The following MCU variants were observed in gnomAD, a reference collection of about 807,000 sequenced individuals.
The protein encoded by MCU is calcium uniporter protein, mitochondrial.
MCU carries 12 observed loss-of-function variants against 45.2 expected under a neutral mutation model. The observed-to-expected ratio is 0.27, with a 90% CI of 0.17 to 0.43. The LOEUF is 0.43. MCU is among the 20% of genes least tolerant of loss of function. The probability of loss-of-function intolerance (pLI) is 1.00; values close to 1 mark genes in which losing one functional copy is unlikely to be tolerated. For missense variants in MCU, 324 were observed against 436.7 expected, an observed-to-expected ratio of 0.74 and a Z score of 2.30; for synonymous variants, 160 against 165.1, an observed-to-expected ratio of 0.97 and a Z score of 0.24.
intron 1 of MCU, among the ~76,000 whole-genome samples, chr10:72,798,658 C>A (rs1278027003): frequency 1.3e-5 from 2 of 151,476 alleles, no homozygotes; most frequent in South Asian, 2.1e-4. Context: ...TTTTAGAAAT[C>A]TTTTCTTACT....
rs1320407832 is a variant in MCU at position 72,692,248 on chromosome 10, T to C, written c.97T>C (p.Cys33Arg). Residue 33 changes from cysteine to arginine, a missense_variant, in exon 1 of 8, where the codon TGC becomes CGC. By Grantham distance (180) the Cys-to-Arg change is radical (BLOSUM62 -3). Around this residue, in one of 4 missense-constraint regions of MCU, gnomAD observed 111 missense variants for 112.3 expected, o/e 0.99. Coordinates refer to ENST00000373053, the MANE Select transcript of MCU (RefSeq NM_138357.3). ...AGGCGALTAG[C>R]FPGLGVSRHR... ...CGGCTGCGGGGCGCTGACTGCCGGC[T>C]GCTTCCCTGGGCTGGGCGTCAGCCG... 13 of 1,237,956 alleles carry C rather than the reference T, an allele frequency of 1.1e-5. No homozygotes were observed. Among genetic ancestry groups the C allele is most frequent in the Non-Finnish European group, 1.3e-5 (13 of 986,830 alleles). The allele number at this position is 1,237,956 out of a possible 1,614,324, so 76.7% of individuals were successfully genotyped here.
intron 1 of MCU, among the ~76,000 whole-genome samples, chr10:72,741,348 G>A (rs1453420709): frequency 2.0e-5 from 3 of 152,120 alleles, no homozygotes; most frequent in South Asian, 2.1e-4. Context: ...TGATCCGCCC[G>A]CCTTGGCCTT....
chr10:72,798,326 C>T (rs1326115926), intron 1 of MCU, among the ~76,000 whole-genome samples: 2 of 152,216 alleles, frequency 1.3e-5, no homozygotes, highest in African/African-American at 4.8e-5. Context: ...GAGTCTCGCT[C>T]TGTTGCCAAG....
intron 3 of MCU, 84 bp from the exon 4 acceptor site, chr10:72,860,338 TA>T (rs2132870220): frequency 1.7e-6 from 2 of 1,211,550 alleles, no homozygotes; most frequent in Non-Finnish European, 2.4e-6. Flanking sequence ...AGGTAATTTT[TA>T]AAAACGATTT....
chr10:72,759,349 G>T (rs1411269589), intron 1 of MCU, among the ~76,000 whole-genome samples: 17 of 152,180 alleles, frequency 1.1e-4, no homozygotes, highest in Admixed American at 1.1e-3. Flanking sequence ...GATTTTCACA[G>T]TGCTTTTCTA....
intron 1 of MCU, 41 bp downstream of exon 1, chr10:72,692,342 G>A: frequency 8.4e-7 from 1 of 1,187,302 alleles, no homozygotes; most frequent in Non-Finnish European, 1.0e-6. Flanking sequence ...GGGCGGGGCG[G>A]CGCTGGCGTG....
chr10:72,752,274 A>G (rs1418075824), intron 1 of MCU, among the ~76,000 whole-genome samples: 1 of 146,482 alleles, frequency 6.8e-6, no homozygotes, highest in Admixed American at 6.7e-5. Flanking sequence ...TTTTTTTTTA[A>G]TACTAGAGAC....
intron 2 of MCU, among the ~76,000 whole-genome samples, chr10:72,841,904 A>G (rs1439457676): frequency 6.6e-6 from 1 of 152,232 alleles, no homozygotes; most frequent in Non-Finnish European, 1.5e-5. Flanking sequence ...TTAAGAGAAA[A>G]GAAAGATTAG....
intron 1 of MCU, among the ~76,000 whole-genome samples, chr10:72,752,373 G>A (rs1464461372): frequency 2.0e-5 from 3 of 152,048 alleles, no homozygotes; most frequent in African/African-American, 7.2e-5. Flanking sequence ...TGGGATTACA[G>A]GCATGAGGCA....
Position 72,832,934 on chromosome 10 carries a change from A to ATGTGTG in MCU, c.151-1403_151-1398dup, listed in dbSNP as rs6143982. ...ATACTGTTTTTTGAAACCAATAGCT[A>ATGTGTG]TGTGTGTGTGTGTGTGTGTGTGTGT... On this transcript the variant is annotated intron_variant, in intron 1 of 7. Transcript: ENST00000373053. 6.6e-4 allele frequency among the ~76,000 whole-genome samples: 95 copies of ATGTGTG among 143,872 alleles called. 2 individuals are homozygous for ATGTGTG. Among genetic ancestry groups the ATGTGTG allele is most frequent in the Admixed American group, 2.0e-3 (28 of 14,282 alleles). 94.4% of individuals were successfully genotyped at this position (143,872 alleles called of 152,430 possible).
intron 2 of MCU, among the ~76,000 whole-genome samples, chr10:72,858,525 TG>T (rs1160029222): frequency 6.6e-6 from 1 of 152,202 alleles, no homozygotes; most frequent in Non-Finnish European, 1.5e-5. Context: ...TAGGAAAGAA[TG>T]CCTAATGGTG....
intron 1 of MCU, among the ~76,000 whole-genome samples, chr10:72,807,373 TAA>T (rs879801803): frequency 6.9e-6 from 1 of 144,198 alleles, no homozygotes. Flanking sequence ...TCTGAAATCT[TAA>T]AAAAAAAAAA....
chr10:72,848,018 A>G (rs888048433), intron 2 of MCU, among the ~76,000 whole-genome samples: 1 of 152,172 alleles, frequency 6.6e-6, no homozygotes, highest in African/African-American at 2.4e-5. Context: ...TTGGAAGTAC[A>G]CATCATCACT....
chr10:72,714,368 T>TTTTTTTTTTTTG (rs56322032), intron 1 of MCU, among the ~76,000 whole-genome samples: 1 of 138,226 alleles, frequency 7.2e-6, no homozygotes, highest in African/African-American at 2.8e-5. Flanking sequence ...TTTTTTTTTT[T>TTTTTTTTTTTTG]AAAGAGATGG....
intron 5 of MCU, 84 bp downstream of exon 5, chr10:72,868,947 A>T: frequency 7.2e-7 from 1 of 1,391,864 alleles, no homozygotes; most frequent in Non-Finnish European, 9.8e-7. Flanking sequence ...TGTAAGTTTT[A>T]TGCAATTGAG....
At chr10:72,856,531 C>T (rs1019420729) in intron 2 of MCU, among the ~76,000 whole-genome samples, 33 of 152,040 alleles carry the variant, frequency 2.2e-4, no homozygotes, top group Non-Finnish European at 3.2e-4. Context: ...TTTGGATTTC[C>T]AAAACATTAA....
chr10:72,881,569 C>T (rs1564583527), intron 6 of MCU, among the ~76,000 whole-genome samples: 1 of 152,126 alleles, frequency 6.6e-6, no homozygotes. Flanking sequence ...TGTTTATTAA[C>T]ACCATGAAGA....
intron 1 of MCU, among the ~76,000 whole-genome samples, chr10:72,817,604 C>A (rs1045395983): frequency 1.3e-5 from 2 of 152,088 alleles, no homozygotes; most frequent in Non-Finnish European, 2.9e-5. Flanking sequence ...CAGTTCAGTT[C>A]AACAGTTTTT....
At chr10:72,842,557 CA>C (rs1369086971) in intron 2 of MCU, among the ~76,000 whole-genome samples, 2 of 152,088 alleles carry the variant, frequency 1.3e-5, no homozygotes, top group African/African-American at 4.8e-5. Context: ...TACCATGTTC[CA>C]AAACTAGGGC....
Sources: gnomAD v4.1 joint callset for allele counts (sites outside exome capture counted in the v4.1 genomes callset) on GRCh38, gnomAD v4.1.1 for gene constraint, gnomAD v4.1.1 regional missense constraint, MANE v1.5 for transcripts, NCBI Gene and HGNC (gene_info 2026-07-23, HGNC 2026-07-21) for gene names.